Variants in NTM observed in about 807,000 individuals in gnomAD.
NTM encodes IgLON family member 2.
In NTM, 13 loss-of-function variants were observed where a neutral mutation model predicts 42.1. That is an observed-to-expected ratio of 0.31 (90% CI 0.20 to 0.49). NTM has a LOEUF of 0.49. NTM is among the 20% of genes least tolerant of loss of function. The pLI is 0.99. For synonymous variants in NTM, 187 were observed against 179.2 expected (o/e 1.04, Z -0.35); for missense variants, 373 against 452.8 (o/e 0.82, Z 1.60).
intron 2 of NTM, among the ~76,000 whole-genome samples, chr11:131,921,538 A>G (rs1183595441): frequency 6.6e-6 from 1 of 152,204 alleles, no homozygotes; most frequent in Non-Finnish European, 1.5e-5. Context: ...CACTGTTTTC[A>G]GCCCCCAGTT....
chr11:131,812,081 T>G (rs1390874059), intron 1 of NTM, among the ~76,000 whole-genome samples: 2 of 152,178 alleles, frequency 1.3e-5, no homozygotes, highest in Non-Finnish European at 2.9e-5. Flanking sequence ...AGTAACCATA[T>G]GAAAGACCAG....
intron 7 of NTM, chr11:132,317,773 G>C: frequency 2.6e-6 from 2 of 776,316 alleles, no homozygotes; most frequent in Non-Finnish European, 3.9e-6. Context: ...ATTACCCGAA[G>C]CACTTGTCTG....
chr11:132,069,330 C>T (rs1423290158), intron 2 of NTM, among the ~76,000 whole-genome samples: 10 of 148,372 alleles, frequency 6.7e-5, no homozygotes, highest in South Asian at 4.4e-4. Context: ...TTAGTTAACA[C>T]GTCACACAGC....
At chr11:131,666,663 C>T (rs948068890) in intron 1 of NTM, among the ~76,000 whole-genome samples, 7 of 152,152 alleles carry the variant, frequency 4.6e-5, no homozygotes, top group East Asian at 3.9e-4. Flanking sequence ...CCCTGGATGA[C>T]GTTCCCAGAG....
At chr11:131,456,368 T>G (rs1051391896) in intron 1 of NTM, among the ~76,000 whole-genome samples, 53 of 152,368 alleles carry the variant, frequency 3.5e-4, no homozygotes, top group Admixed American at 7.2e-4. Context: ...GATTCTGTTT[T>G]GGTTGAGTAT....
At chr11:131,840,322 A>T (rs2044073244) in intron 1 of NTM, among the ~76,000 whole-genome samples, 1 of 152,220 alleles carries the variant, frequency 6.6e-6, no homozygotes, top group East Asian at 1.9e-4. Context: ...AGGACACTGT[A>T]CAGGAAAATC....
chr11:131,704,695 G>C (rs1213734748), intron 1 of NTM, among the ~76,000 whole-genome samples: 1 of 152,160 alleles, frequency 6.6e-6, no homozygotes, highest in Non-Finnish European at 1.5e-5. Flanking sequence ...TTAAAGAAGT[G>C]CAGTGAGCTA....
At chr11:132,108,782 G>C (rs1438915546) in intron 2 of NTM, among the ~76,000 whole-genome samples, 1 of 152,072 alleles carries the variant, frequency 6.6e-6, no homozygotes, top group African/African-American at 2.4e-5. Context: ...GTATACATGT[G>C]CCATTGTGGT....
chr11:132,114,678 GT>G (rs1175389598), intron 2 of NTM, among the ~76,000 whole-genome samples: 1 of 152,116 alleles, frequency 6.6e-6, no homozygotes, highest in Admixed American at 6.5e-5. Context: ...ATAATAGGTT[GT>G]TTCTAGGGGG....
At chr11:131,620,611 G>T (rs1382618292) in intron 1 of NTM, among the ~76,000 whole-genome samples, 2 of 152,142 alleles carry the variant, frequency 1.3e-5, no homozygotes, top group Non-Finnish European at 2.9e-5. Flanking sequence ...CAGGGCCTTG[G>T]CACCTGCTGT....
At chr11:131,709,305 A>C in intron 1 of NTM, among the ~76,000 whole-genome samples, 1 of 152,004 alleles carries the variant, frequency 6.6e-6, no homozygotes, top group East Asian at 1.9e-4. Flanking sequence ...ACACGAAATA[A>C]CTCATGTTTT....
chr11:132,158,173 C>T (rs1462644333), intron 3 of NTM, among the ~76,000 whole-genome samples: 1 of 152,206 alleles, frequency 6.6e-6, no homozygotes, highest in Non-Finnish European at 1.5e-5. Context: ...GTCCGGCCAC[C>T]AGTGTCTCCC....
At chr11:131,541,458 C>T (rs1028086034) in intron 1 of NTM, among the ~76,000 whole-genome samples, 1 of 152,206 alleles carries the variant, frequency 6.6e-6, no homozygotes, top group African/African-American at 2.4e-5. Context: ...GAGAGTAGAC[C>T]TTACAGCCAC....
chr11:132,099,107 CAG>C (rs527581441), intron 2 of NTM, among the ~76,000 whole-genome samples: 58 of 150,096 alleles, frequency 3.9e-4, no homozygotes, highest in Non-Finnish European at 7.5e-4. Context: ...TTAATTAACT[CAG>C]TGTTATCAAA....
intron 1 of NTM, among the ~76,000 whole-genome samples, chr11:131,547,587 G>A (rs2054112704): frequency 6.6e-6 from 1 of 152,148 alleles, no homozygotes; most frequent in Admixed American, 6.5e-5. Flanking sequence ...GATGTAAAGT[G>A]TGTGTCTGGT....
chr11:131,750,937 C>A (rs147021264), intron 1 of NTM, among the ~76,000 whole-genome samples: 1 of 152,128 alleles, frequency 6.6e-6, no homozygotes, highest in Non-Finnish European at 1.5e-5. Flanking sequence ...ATCCCAGGGG[C>A]CTGCATCCAG....
intron 4 of NTM, among the ~76,000 whole-genome samples, chr11:132,260,192 T>C (rs2092759709): frequency 6.6e-6 from 1 of 152,060 alleles, no homozygotes; most frequent in Non-Finnish European, 1.5e-5. Context: ...AAACAGGCAG[T>C]CTTTCTTTAG....
chr11:131,816,040 C>T (rs988965102), intron 1 of NTM, among the ~76,000 whole-genome samples: 2 of 152,178 alleles, frequency 1.3e-5, no homozygotes, highest in African/African-American at 4.8e-5. Context: ...CTCTTTTCTC[C>T]TCCTTTATTT....
chr11:132,194,417 C>T lies in NTM; in HGVS notation c.401-17605C>T, dbSNP rs112185448. On this transcript the variant is annotated intron_variant, in intron 3 of 8. Transcript: ENST00000683400. ...AAGGCTCTCAATAAAATTCAACATT[C>T]CTTCATGTTAAAAACCCCTCAACAA... is the stretch of plus-strand genomic sequence containing the variant. Among the ~76,000 whole-genome samples, 128 of 152,138 alleles carry T rather than the reference C, an allele frequency of 8.4e-4. 1 individual carries two copies. The Middle Eastern group carries it at 0.037, about 44-fold the overall frequency.
Sources: allele counts gnomAD v4.1 joint callset (sites outside exome capture counted in the v4.1 genomes callset), GRCh38; gene constraint gnomAD v4.1.1; transcripts MANE v1.5; gene names NCBI Gene and HGNC (gene_info 2026-07-23, HGNC 2026-07-21).